Variants in TENM1 observed in about 807,000 individuals in gnomAD.
TENM1 encodes the protein teneurin-1.
In TENM1, 35 loss-of-function variants were observed where a neutral mutation model predicts 174.8. The ratio of observed to expected loss-of-function variants is 0.20; its 90% CI spans 0.15 to 0.27. The LOEUF is 0.27. Ranked by LOEUF, TENM1 falls within the 10% of genes least tolerant of loss-of-function variation. The pLI, the probability that TENM1 is intolerant of heterozygous loss-of-function variation, is 1.00. For synonymous variants in TENM1, 781 were observed against 798.7 expected (o/e 0.98, Z 0.37); for missense variants, 1,633 against 2,130.1 (o/e 0.77, Z 4.59).
At chrX:124,832,106 T>A (rs2147333274) in intron 3 of TENM1, among the ~76,000 whole-genome samples, 1 of 111,673 alleles carries the variant, frequency 9.0e-6, no homozygotes, top group Admixed American at 9.5e-5. Context: ...GGGGGAGGCC[T>A]TATTTATTTA....
At chrX:125,154,043 C>T in the TENM1 span, among the ~76,000 whole-genome samples, 1 of 112,118 alleles carries the variant, frequency 8.9e-6, no homozygotes, top group Admixed American at 9.4e-5. Context: ...AAAAGAACAG[C>T]AGGATGTTTT....
chrX:124,523,520 A>C, exon 17 of TENM1: 1 of 1,211,491 alleles, frequency 8.3e-7, no homozygotes, highest in Non-Finnish European at 1.1e-6. Context: ...TCTCTACCAC[A>C]ATAAACTGAT....
At chrX:124,640,684 G>A (rs1458752742) in intron 11 of TENM1, among the ~76,000 whole-genome samples, 2 of 111,603 alleles carry the variant, frequency 1.8e-5, no homozygotes, top group East Asian at 2.8e-4. Context: ...GATCCTGGCC[G>A]GTGCAGTGGC....
intron 3 of TENM1, among the ~76,000 whole-genome samples, chrX:124,883,191 A>AT (rs970600155): frequency 2.7e-5 from 3 of 110,851 alleles, no homozygotes; most frequent in African/African-American, 9.9e-5. Flanking sequence ...GCTCCTTCTA[A>AT]TTTTTTTGTA....
At chrX:125,004,077 T>C in the TENM1 span, among the ~76,000 whole-genome samples, 1 of 112,064 alleles carries the variant, frequency 8.9e-6, no homozygotes. Flanking sequence ...ACCACAATAC[T>C]AATGAGTAAT....
At chrX:124,512,464 C>A (rs2047605701) in intron 18 of TENM1, among the ~76,000 whole-genome samples, 1 of 111,270 alleles carries the variant, frequency 9.0e-6, no homozygotes, top group African/African-American at 3.3e-5. Flanking sequence ...ACAACAAAAT[C>A]TTTAAGCCGG....
At chrX:124,645,186 G>A in exon 10 of TENM1, 1 of 1,211,459 alleles carries the variant, frequency 8.3e-7, no homozygotes, top group Non-Finnish European at 1.1e-6. Flanking sequence ...CACAGATGCA[G>A]ACTCCCATGA....
chrX:125,106,960 C>T, the TENM1 span, among the ~76,000 whole-genome samples: 1 of 111,590 alleles, frequency 9.0e-6, no homozygotes, highest in Non-Finnish European at 1.9e-5. Flanking sequence ...CTACTTCAGA[C>T]AGAATGATAG....
chrX:125,180,519 T>G, the TENM1 span, among the ~76,000 whole-genome samples: 1 of 106,408 alleles, frequency 9.4e-6, no homozygotes, highest in African/African-American at 3.4e-5. Flanking sequence ...AAAATAATAA[T>G]AAATAAAAAT....
intron 22 of TENM1, among the ~76,000 whole-genome samples, chrX:124,456,616 C>A (rs1483389803): frequency 9.0e-6 from 1 of 111,651 alleles, no homozygotes; most frequent in East Asian, 2.8e-4. Context: ...ATTGTTATAA[C>A]CCAGGGATAG....
rs547306343 is a variant in TENM1, at chrX:124,492,667, C to A, written c.3695+4349G>T. ...TTAGATCAAAATGATCATGTATATT[C>A]CATTAGCTTATTTCTTTGATGGCCA... On this transcript the variant is annotated intron_variant, in intron 20 of 31. Transcript: ENST00000422452. 1.6e-4 allele frequency among the ~76,000 whole-genome samples: 18 copies of A among 110,431 alleles called. No homozygotes were observed. In the South Asian group the frequency reaches 6.6e-3, roughly 41 times the overall value.
At position 124,497,090 on chromosome X, in the gene TENM1, A is replaced by G. The variant is rs149489690; in HGVS notation, c.3621T>C (p.Ser1207=). ...CAAAATTGAAGTCGCCAACATACACACTGCCATCAGGGCCAGAAGCTAAGG... is the reference window on the plus strand; with the variant it reads ...CAAAATTGAAGTCGCCAACATACACGCTGCCATCAGGGCCAGAAGCTAAGG... The change falls in exon 20 of 32, where the codon AGT becomes AGC. Residue 1207 remains serine, a synonymous_variant. Transcript: ENST00000422452. The G allele has an allele frequency of 1.5e-5, 18 of 1,207,799 alleles. No homozygotes were observed. In the African/African-American group the frequency reaches 2.6e-4, roughly 18 times the overall value.
At chrX:125,039,652 G>A in the TENM1 span, among the ~76,000 whole-genome samples, 1 of 111,543 alleles carries the variant, frequency 9.0e-6, no homozygotes, top group African/African-American at 3.2e-5. Context: ...CTGTTATTTA[G>A]TGACCAACCC....
intron 3 of TENM1, among the ~76,000 whole-genome samples, chrX:124,826,754 A>G (rs1441538240): frequency 2.7e-5 from 3 of 111,693 alleles, no homozygotes; most frequent in Non-Finnish European, 3.8e-5. Context: ...TGTACTTTCT[A>G]CATTTTCTAA....
chrX:125,060,210 C>G, the TENM1 span, among the ~76,000 whole-genome samples: 1 of 99,891 alleles, frequency 1.0e-5, no homozygotes, highest in Admixed American at 1.1e-4. Context: ...CACACACACA[C>G]ACATCCTATT....
At chrX:124,755,086 G>T (rs1236381700) in intron 3 of TENM1, among the ~76,000 whole-genome samples, 1 of 100,756 alleles carries the variant, frequency 9.9e-6, no homozygotes, top group Admixed American at 1.0e-4. Flanking sequence ...TTGACAGTGG[G>T]GTGTTAAAGT....
intron 1 of TENM1, among the ~76,000 whole-genome samples, chrX:124,944,119 C>T (rs1254920256): frequency 9.0e-6 from 1 of 111,313 alleles, no homozygotes; most frequent in East Asian, 2.8e-4. Context: ...AAGAGATATC[C>T]TGCTTATTAT....
intron 11 of TENM1, among the ~76,000 whole-genome samples, chrX:124,594,326 T>A (rs1359881131): frequency 9.0e-6 from 1 of 111,462 alleles, no homozygotes; most frequent in Non-Finnish European, 1.9e-5. Flanking sequence ...TTTTTTAACT[T>A]AAAAAAAATC....
the TENM1 span, among the ~76,000 whole-genome samples, chrX:125,103,669 G>T: frequency 8.9e-6 from 1 of 112,477 alleles, no homozygotes; most frequent in Admixed American, 9.4e-5. Context: ...AATTAGGGAA[G>T]TTAATCCTGC....
Sources: gnomAD v4.1 joint callset for allele counts (sites outside exome capture counted in the v4.1 genomes callset) on GRCh38, gnomAD v4.1.1 for gene constraint, MANE v1.5 for transcripts, NCBI Gene and HGNC (gene_info 2026-07-23, HGNC 2026-07-21) for gene names.